The following TMEM230 variants were observed in gnomAD, a reference collection of about 807,000 sequenced individuals.
TMEM230 encodes UPF0414 transmembrane protein C20orf30.
TMEM230 carries 10 observed loss-of-function variants against 15.8 expected under a neutral mutation model. The ratio of observed to expected loss-of-function variants is 0.63; its 90% CI spans 0.39 to 1.07. TMEM230 has a LOEUF of 1.07. TMEM230 is among the 50% of genes least tolerant of loss of function. The pLI is 0.01. For missense variants in TMEM230, 165 were observed against 193.3 expected (o/e 0.85, Z 0.87); for synonymous variants, 67 against 76.9 (o/e 0.87, Z 0.68).
chr20:5,069,405 CA>C, intron 3 of TMEM230: 1 of 1,475,598 alleles, frequency 6.8e-7, no homozygotes, highest in Non-Finnish European at 9.0e-7. Flanking sequence ...CTTCAACCCT[CA>C]AAAAATCCTA....
At chr20:5,066,311 A>G (rs934262118), downstream of TMEM230, 1 of 152,170 alleles carries the variant, frequency 6.6e-6, no homozygotes, top group African/African-American at 2.4e-5. Context: ...TTGTCCTCCT[A>G]GAGTTCTGGA....
In TMEM230 at chr20:5,105,218, G is replaced by A. The variant is rs757749820; in HGVS notation, c.411+970C>T. 3.4e-4 allele frequency among the ~76,000 whole-genome samples: 51 copies of A among 152,128 alleles called. 1 individual carries two copies. The highest frequency in any genetic ancestry group is 6.0e-4 in the Non-Finnish European group (41 of 68,026). On this transcript the variant is annotated intron_variant, in intron 4 of 4. Transcript: ENST00000342308. Reference sequence around the variant, plus strand: ...GGAGAATCACTTGAACCCACGAGCCGGAGTTTGCAGTGAGCTGAGATCCTG... The same window carrying A: ...GGAGAATCACTTGAACCCACGAGCCAGAGTTTGCAGTGAGCTGAGATCCTG...
chr20:5,106,714 T>A (rs1238916294), intron 3 of TMEM230, among the ~76,000 whole-genome samples: 1 of 151,950 alleles, frequency 6.6e-6, no homozygotes, highest in Admixed American at 6.6e-5. Context: ...GCCTAATTTT[T>A]ATGATTTTAG....
intron 3 of TMEM230, among the ~76,000 whole-genome samples, chr20:5,081,461 G>A (rs913761635): frequency 3.3e-5 from 5 of 152,224 alleles, no homozygotes; most frequent in African/African-American, 1.2e-4. Context: ...CACCCCGGCG[G>A]AGCAGCAGAA....
intron 3 of TMEM230, among the ~76,000 whole-genome samples, chr20:5,082,388 A>T (rs1600300882): frequency 6.6e-6 from 1 of 151,572 alleles, no homozygotes; most frequent in Non-Finnish European, 1.5e-5. Flanking sequence ...CTGCAGGTGC[A>T]TGCCACCATG....
downstream of TMEM230, among the ~76,000 whole-genome samples, chr20:5,067,740 C>T (rs2088695847): frequency 7.2e-6 from 1 of 138,450 alleles, no homozygotes; most frequent in African/African-American, 2.7e-5. Context: ...CACACCCGGC[C>T]TCCCCACCCA....
At chr20:5,106,131 G>A in intron 4 of TMEM230, 57 bp downstream of exon 3, 2 of 1,571,838 alleles carry the variant, frequency 1.3e-6, no homozygotes, top group Non-Finnish European at 1.7e-6. Context: ...GCACACTAGA[G>A]CCTTGGCTAA....
downstream of TMEM230, among the ~76,000 whole-genome samples, chr20:5,096,565 A>G (rs946600219): frequency 2.0e-5 from 3 of 152,188 alleles, no homozygotes; most frequent in Non-Finnish European, 4.4e-5. Flanking sequence ...AGGTTCCCTT[A>G]CCATACACCA....
At position 5,100,064 on chromosome 20, in the gene TMEM230, C is replaced by T. The variant is rs532788261; in HGVS notation, c.*727G>A. On this transcript the variant is annotated 3_prime_UTR_variant, in exon 5 of 5. Transcript: ENST00000342308. ...TATAAACTCTAAATAATAACCACTA[C>T]ATGTTTCATTAGGAAACAGCCAAAA... 1.9e-4 allele frequency: 183 copies of T among 985,264 alleles called. No homozygotes were observed. Among genetic ancestry groups the T allele is most frequent in the Non-Finnish European group, 2.2e-4 (179 of 829,936 alleles). The allele number at this position is 985,264 out of a possible 1,614,324, so 61.0% of individuals were successfully genotyped here. A position where few individuals can be genotyped will look rare whatever the true frequency, so the allele number is the denominator to read the frequency against.
chr20:5,091,521 T>C (rs968093417), intron 3 of TMEM230, among the ~76,000 whole-genome samples: 2 of 152,126 alleles, frequency 1.3e-5, no homozygotes, highest in Non-Finnish European at 2.9e-5. Flanking sequence ...GGTATTGCTA[T>C]TTTTGTTGTT....
At chr20:5,060,211 C>CAG in the TMEM230 span, among the ~76,000 whole-genome samples, 3 of 152,076 alleles carry the variant, frequency 2.0e-5, no homozygotes, top group African/African-American at 7.3e-5. Flanking sequence ...TGCACCCAGC[C>CAG]CTGTTACCTT....
At chr20:5,111,661 T>G in intron 1 of TMEM230, 1 of 95,828 alleles carries the variant, frequency 1.0e-5, no homozygotes, top group Non-Finnish European at 1.7e-5. Context: ...AGTATTTCAA[T>G]AAGGGCATAA....
intron 3 of TMEM230, among the ~76,000 whole-genome samples, chr20:5,094,604 G>A (rs2089610177): frequency 6.6e-6 from 1 of 150,552 alleles, no homozygotes; most frequent in Non-Finnish European, 1.5e-5. Flanking sequence ...CTACTCAGAA[G>A]GCTGAGGTAG....
chr20:5,065,075 A>T (rs1185825100), downstream of TMEM230, among the ~76,000 whole-genome samples: 2 of 152,046 alleles, frequency 1.3e-5, no homozygotes, highest in Non-Finnish European at 2.9e-5. Flanking sequence ...TCCAATAAGC[A>T]CATGAAAAGA....
At chr20:5,080,932 TG>T (rs2089158938) in intron 3 of TMEM230, among the ~76,000 whole-genome samples, 1 of 152,232 alleles carries the variant, frequency 6.6e-6, no homozygotes, top group South Asian at 2.1e-4. Flanking sequence ...ATCCATGAAC[TG>T]TCTGTTACTG....
downstream of TMEM230, chr20:5,067,400 T>A (rs2088675941): frequency 7.6e-6 from 1 of 130,972 alleles, no homozygotes; most frequent in Non-Finnish European, 1.6e-5. Context: ...ATGTCAACAG[T>A]GTTTAGGCTC....
Position 5,109,395 on chromosome 20 carries a change from G to C in TMEM230, c.225C>G (p.Ile75Met), listed in dbSNP as rs752530360. Residue 75 changes from isoleucine (I) to methionine (M), a missense_variant, in exon 3 of 5, where the codon ATC becomes ATG. Ile to Met is a conservative substitution (Grantham distance 10, BLOSUM62 1). Coordinates refer to ENST00000342308, the MANE Select transcript of TMEM230 (RefSeq NM_001009923.2). ...TTGAATATTTCACTTTACTACTGGG[G>C]ATTCCAGTAGCCAGGTTGGTACGGG... 1 of 1,613,828 alleles carries C rather than the reference G, an allele frequency of 6.2e-7. No homozygotes were observed. Among genetic ancestry groups the C allele is most frequent in the South Asian group, 1.1e-5 (1 of 91,064 alleles).
downstream of TMEM230, among the ~76,000 whole-genome samples, chr20:5,064,764 A>T (rs2088636146): frequency 6.6e-6 from 1 of 152,246 alleles, no homozygotes; most frequent in Non-Finnish European, 1.5e-5. Context: ...TGAAGGAAAA[A>T]TAATAAAATG....
intron 3 of TMEM230, among the ~76,000 whole-genome samples, chr20:5,090,509 C>T (rs1279036771): frequency 6.6e-6 from 1 of 152,104 alleles, no homozygotes; most frequent in Non-Finnish European, 1.5e-5. Context: ...GGAGAGAGTT[C>T]TTTCAGATGA....
Sources: allele counts gnomAD v4.1 joint callset (sites outside exome capture counted in the v4.1 genomes callset), GRCh38; gene constraint gnomAD v4.1.1; transcripts MANE v1.5; gene names NCBI Gene and HGNC (gene_info 2026-07-23, HGNC 2026-07-21).